ADK: variants seen among roughly 807,000 people sequenced by gnomAD.
ADK encodes the protein N6,N6-dimethyladenosine kinase.
In ADK, 24 loss-of-function variants were observed where a neutral mutation model predicts 44.7. The observed-to-expected ratio is 0.54, with a 90% CI of 0.39 to 0.76. ADK has a LOEUF of 0.76. Among genes scored for constraint, ADK ranks in the 30% least tolerant of loss-of-function variants. ADK has a pLI of 0.00. For synonymous variants in ADK, 128 were observed against 142.6 expected (o/e 0.90, Z 0.73); for missense variants, 321 against 425.1 (o/e 0.76, Z 2.15).
chr10:74,619,012 T>TTGTGTGTG (rs56168944), intron 9 of ADK, among the ~76,000 whole-genome samples: 2,826 of 139,406 alleles, frequency 0.02, 70 homozygotes, highest in African/African-American at 0.057. Flanking sequence ...TTTATGCTCT[T>TTGTGTGTG]TGTGTGTGTG....
At chr10:74,216,741 A>T (rs186144375) in intron 2 of ADK, among the ~76,000 whole-genome samples, 3 of 152,214 alleles carry the variant, frequency 2.0e-5, no homozygotes, top group African/African-American at 2.4e-5. Flanking sequence ...AAAAATAAAA[A>T]AAAAAAAGTT....
intron 7 of ADK, among the ~76,000 whole-genome samples, chr10:74,582,395 T>G (rs1394927829): frequency 6.6e-6 from 1 of 152,214 alleles, no homozygotes; most frequent in African/African-American, 2.4e-5. Context: ...CTAGCCTCTT[T>G]CTTCTTGTTC....
At chr10:74,413,911 T>C (rs910921815) in intron 6 of ADK, among the ~76,000 whole-genome samples, 1 of 152,216 alleles carries the variant, frequency 6.6e-6, no homozygotes, top group African/African-American at 2.4e-5. Context: ...GTCACTATTG[T>C]TGTGTCTCAA....
chr10:74,268,803 A>G (rs1412114897), intron 3 of ADK, among the ~76,000 whole-genome samples: 4 of 152,210 alleles, frequency 2.6e-5, no homozygotes, highest in Non-Finnish European at 5.9e-5. Context: ...CAGTATTTTT[A>G]TCCTAGTACT....
chr10:74,668,439 C>T (rs1272691090), intron 9 of ADK, among the ~76,000 whole-genome samples: 1 of 152,056 alleles, frequency 6.6e-6, no homozygotes, highest in East Asian at 1.9e-4. Context: ...GTGGAAAGTT[C>T]AGTTACTTAA....
intron 1 of ADK, among the ~76,000 whole-genome samples, chr10:74,187,787 G>A (rs1842811289): frequency 6.6e-6 from 1 of 151,870 alleles, no homozygotes; most frequent in African/African-American, 2.4e-5. Context: ...CTACTCTTTT[G>A]CTATCATGTA....
chr10:74,504,800 C>G (rs886586832), intron 6 of ADK, among the ~76,000 whole-genome samples: 2 of 152,130 alleles, frequency 1.3e-5, no homozygotes, highest in Non-Finnish European at 2.9e-5. Flanking sequence ...CATGTGCCCT[C>G]TCTCGCCTGC....
intron 10 of ADK, among the ~76,000 whole-genome samples, chr10:74,682,710 A>C (rs1855657922): frequency 6.6e-6 from 1 of 151,716 alleles, no homozygotes; most frequent in Admixed American, 6.6e-5. Context: ...AGTAGCTGGG[A>C]CTACAGGTGT....
intron 9 of ADK, among the ~76,000 whole-genome samples, chr10:74,640,332 AAACAGTTTCTGTGCC>A (rs1853796415): frequency 6.6e-6 from 1 of 152,226 alleles, no homozygotes; most frequent in African/African-American, 2.4e-5. Context: ...GGTGTTGAAA[AAACAGTTTCTGTGCC>A]AACACCATAT....
At chr10:74,524,944 G>A (rs1848980669) in intron 6 of ADK, among the ~76,000 whole-genome samples, 1 of 152,126 alleles carries the variant, frequency 6.6e-6, no homozygotes, top group Non-Finnish European at 1.5e-5. Flanking sequence ...TCCCTAATTC[G>A]AATGTAATTA....
intron 3 of ADK, among the ~76,000 whole-genome samples, chr10:74,302,727 C>T (rs1315104403): frequency 6.6e-6 from 1 of 152,034 alleles, no homozygotes; most frequent in African/African-American, 2.4e-5. Flanking sequence ...GCCTGGGAGG[C>T]GGAAGTTGCA....
At chr10:74,551,576 G>A (rs1850036402) in intron 7 of ADK, 1 of 152,142 alleles carries the variant, frequency 6.6e-6, no homozygotes, top group Non-Finnish European at 1.5e-5. Context: ...AAAGTGAAAA[G>A]GCAAAATATA....
intron 6 of ADK, among the ~76,000 whole-genome samples, chr10:74,466,031 A>G (rs1432994741): frequency 6.6e-6 from 1 of 152,158 alleles, no homozygotes; most frequent in African/African-American, 2.4e-5. Flanking sequence ...TTACCTTACT[A>G]ACATTCCAAA....
chr10:74,546,776 A>G (rs1027597005), intron 7 of ADK, among the ~76,000 whole-genome samples: 2 of 152,164 alleles, frequency 1.3e-5, no homozygotes, highest in Non-Finnish European at 2.9e-5. Flanking sequence ...AAAACATTAA[A>G]AATAATTTCT....
At chr10:74,664,481 T>G (rs1404678494) in intron 9 of ADK, among the ~76,000 whole-genome samples, 1 of 152,170 alleles carries the variant, frequency 6.6e-6, no homozygotes, top group Admixed American at 6.5e-5. Flanking sequence ...TTTTCATATG[T>G]TTTATATTTT....
chr10:74,470,400 C>A (rs7100452), intron 6 of ADK, among the ~76,000 whole-genome samples: 91,725 of 151,474 alleles, frequency 0.61, 30,165 homozygotes, highest in Middle Eastern at 0.78. Context: ...AATAATTCTG[C>A]GATGAATATG....
intron 7 of ADK, among the ~76,000 whole-genome samples, chr10:74,573,837 G>A (rs548773339): frequency 9.8e-5 from 15 of 152,304 alleles, no homozygotes; most frequent in Middle Eastern, 6.8e-3. Flanking sequence ...CTCCTGGTGC[G>A]CCATTTTTTA....
chr10:74,441,425 A>G (rs1194427794), intron 6 of ADK, among the ~76,000 whole-genome samples: 2 of 152,256 alleles, frequency 1.3e-5, no homozygotes, highest in Non-Finnish European at 2.9e-5. Context: ...ACCTGTGTTT[A>G]CACAAAAATG....
intron 6 of ADK, among the ~76,000 whole-genome samples, chr10:74,514,809 A>T (rs564834673): frequency 6.6e-6 from 1 of 151,916 alleles, no homozygotes; most frequent in Admixed American, 6.6e-5. Context: ...TTGACATTAC[A>T]TGTTTTCTTG....
Sources: allele counts gnomAD v4.1 joint callset (sites outside exome capture counted in the v4.1 genomes callset), GRCh38; gene constraint gnomAD v4.1.1; transcripts MANE v1.5; gene names NCBI Gene and HGNC (gene_info 2026-07-23, HGNC 2026-07-21).